Variants in FRMD4B observed in about 807,000 individuals in gnomAD.
FRMD4B encodes the protein FERM domain-containing protein 4B.
FRMD4B carries 74 observed loss-of-function variants against 141.5 expected under a neutral mutation model. The observed-to-expected ratio is 0.52, with a 90% CI of 0.43 to 0.63. FRMD4B has a LOEUF of 0.63. Among genes scored for constraint, FRMD4B ranks in the 30% least tolerant of loss-of-function variants. The pLI, the probability that FRMD4B is intolerant of heterozygous loss-of-function variation, is 0.00. For missense variants in FRMD4B, 1,366 were observed against 1,253.4 expected (o/e 1.09, Z -1.36); for synonymous variants, 506 against 467.9 (o/e 1.08, Z -1.05).
At chr3:69,416,669 T>C (rs1311140283) in intron 2 of FRMD4B, among the ~76,000 whole-genome samples, 2 of 152,148 alleles carry the variant, frequency 1.3e-5, no homozygotes, top group African/African-American at 2.4e-5. Context: ...CCTGCATGTA[T>C]TAGGTGTTTC....
chr3:69,490,416 A>G (rs906357366), intron 1 of FRMD4B, among the ~76,000 whole-genome samples: 5 of 152,116 alleles, frequency 3.3e-5, no homozygotes, highest in African/African-American at 4.8e-5. Flanking sequence ...TGCTTCTCTT[A>G]TCTTCCAAAA....
chr3:69,327,458 A>C (rs77959954), intron 1 of FRMD4B, among the ~76,000 whole-genome samples: 1 of 152,320 alleles, frequency 6.6e-6, no homozygotes, highest in Admixed American at 6.5e-5. Flanking sequence ...AGAACCTAAG[A>C]ATTAGCAAAA....
intron 1 of FRMD4B, among the ~76,000 whole-genome samples, chr3:69,444,192 T>G (rs1481409254): frequency 1.3e-5 from 2 of 152,154 alleles, no homozygotes; most frequent in Admixed American, 6.5e-5. Flanking sequence ...GAGACTGATT[T>G]GAGTAACAGC....
chr3:69,323,117 G>A (rs1212678548), intron 1 of FRMD4B: 3 of 295,776 alleles, frequency 1.0e-5, no homozygotes, highest in African/African-American at 6.8e-5. Context: ...AATGAAATGA[G>A]GGAAGAGGGG....
intron 2 of FRMD4B, among the ~76,000 whole-genome samples, chr3:69,412,260 A>G (rs2106784124): frequency 6.6e-6 from 1 of 152,328 alleles, no homozygotes; most frequent in African/African-American, 2.4e-5. Context: ...TGAGATGCAG[A>G]TTCAATAGAC....
At chr3:69,185,863 G>A (rs1007988170) in intron 19 of FRMD4B, among the ~76,000 whole-genome samples, 2 of 152,000 alleles carry the variant, frequency 1.3e-5, no homozygotes, top group African/African-American at 4.8e-5. Flanking sequence ...CCAACATGGT[G>A]AAACTCTATC....
chr3:69,435,742 T>C (rs894717999), intron 1 of FRMD4B, among the ~76,000 whole-genome samples: 11 of 152,198 alleles, frequency 7.2e-5, no homozygotes, highest in Non-Finnish European at 1.3e-4. Flanking sequence ...GGGGAAGATA[T>C]ATAGTAAAAT....
intron 2 of FRMD4B, among the ~76,000 whole-genome samples, chr3:69,391,487 G>A (rs1704381930): frequency 6.8e-6 from 1 of 147,796 alleles, no homozygotes; most frequent in Non-Finnish European, 1.5e-5. Flanking sequence ...CTATGAGTGA[G>A]AACCTGCGCT....
At chr3:69,317,930 A>G (rs756899087) in intron 1 of FRMD4B, among the ~76,000 whole-genome samples, 34 of 152,064 alleles carry the variant, frequency 2.2e-4, no homozygotes, top group Non-Finnish European at 4.3e-4. Context: ...TTCCTTTAAC[A>G]AATCCATTTT....
chr3:69,307,426 C>T (rs561601303), intron 3 of FRMD4B, among the ~76,000 whole-genome samples: 81 of 152,224 alleles, frequency 5.3e-4, no homozygotes, highest in African/African-American at 1.8e-3. Context: ...CTGCAACCTC[C>T]ACCTCCTGGG....
intron 8 of FRMD4B, among the ~76,000 whole-genome samples, chr3:69,223,413 A>T (rs2093217456): frequency 1.3e-5 from 2 of 152,114 alleles, no homozygotes; most frequent in African/African-American, 4.8e-5. Flanking sequence ...TATTTGGGAT[A>T]CTGAAGCAGG....
chr3:69,285,576 C>CTCAT (rs1198829778), intron 5 of FRMD4B, among the ~76,000 whole-genome samples: 1 of 152,160 alleles, frequency 6.6e-6, no homozygotes, highest in East Asian at 1.9e-4. Flanking sequence ...GGCACAGTGG[C>CTCAT]TCATGCCTAT....
At chr3:69,536,492 A>C in intron 1 of FRMD4B, 1 of 695,950 alleles carries the variant, frequency 1.4e-6, no homozygotes, top group Non-Finnish European at 2.7e-6. Context: ...AACGTGCCCT[A>C]GCGCTACTCC....
At chr3:69,310,950 T>C (rs546148410) in intron 3 of FRMD4B, among the ~76,000 whole-genome samples, 33 of 152,158 alleles carry the variant, frequency 2.2e-4, no homozygotes, top group Non-Finnish European at 4.0e-4. Flanking sequence ...ATTTCTACCA[T>C]ATAAGCTAAA....
At chr3:69,192,281 T>C (rs554665092) in intron 17 of FRMD4B, among the ~76,000 whole-genome samples, 1 of 151,944 alleles carries the variant, frequency 6.6e-6, no homozygotes, top group Non-Finnish European at 1.5e-5. Context: ...GAGGCTGAGG[T>C]AGGAGGATCA....
intron 4 of FRMD4B, among the ~76,000 whole-genome samples, chr3:69,291,968 A>C (rs1239325663): frequency 1.4e-5 from 2 of 147,110 alleles, no homozygotes; most frequent in Non-Finnish European, 3.0e-5. Flanking sequence ...GTAGGCAACA[A>C]ATTATGAGCC....
intron 1 of FRMD4B, among the ~76,000 whole-genome samples, chr3:69,462,651 C>T (rs1199311796): frequency 6.6e-6 from 1 of 152,212 alleles, no homozygotes; most frequent in Admixed American, 6.5e-5. Context: ...TGTGCCTACA[C>T]CTGAGTCACT....
At chr3:69,386,242 C>A, upstream of FRMD4B, 1 of 397,982 alleles carries the variant, frequency 2.5e-6, no homozygotes. Context: ...CTCGCAGCGC[C>A]GAGCAAGCTG....
chr3:69,185,810 A>C (rs747820927), intron 19 of FRMD4B, among the ~76,000 whole-genome samples: 23 of 152,100 alleles, frequency 1.5e-4, no homozygotes, highest in Non-Finnish European at 2.4e-4. Context: ...GGGAGGCCGA[A>C]GTGGGCGGAT....
Sources: allele counts gnomAD v4.1 joint callset (sites outside exome capture counted in the v4.1 genomes callset), GRCh38; gene constraint gnomAD v4.1.1; transcripts MANE v1.5; gene names NCBI Gene and HGNC (gene_info 2026-07-23, HGNC 2026-07-21).